Variants in RAB8A observed in about 807,000 individuals in gnomAD.
RAB8A encodes ras-related protein Rab-8A.
A neutral mutation model predicts 29.2 loss-of-function variants in RAB8A; 5 were observed. That is an observed-to-expected ratio of 0.17 (90% CI 0.09 to 0.36). RAB8A has a LOEUF of 0.36. Among genes scored for constraint, RAB8A ranks in the 10% least tolerant of loss-of-function variants. The pLI is 1.00. For synonymous variants in RAB8A, 108 were observed against 99.9 expected (o/e 1.08, Z -0.49); for missense variants, 171 against 272.2 (o/e 0.63, Z 2.62).
rs1056213645 is a variant in RAB8A at position 16,121,731 on chromosome 19, C to T, written c.186-19C>T. On this transcript the variant is annotated intron_variant, in intron 2 of 7. Coordinates refer to ENST00000300935, the MANE Select transcript of RAB8A (RefSeq NM_005370.5). ...TATTTTCCTTTAATGTTGCTAATAT[C>T]CCTTCTCTTCATGTTTAGGGACACA... The T allele has an allele frequency of 4.3e-6, 7 of 1,610,142 alleles. No individual in the cohort carries two copies. The highest frequency in any genetic ancestry group is 3.3e-5 in the Admixed American group (2 of 59,982).
At chr19:16,113,260 G>A (rs1248654030) in intron 1 of RAB8A, among the ~76,000 whole-genome samples, 1 of 152,154 alleles carries the variant, frequency 6.6e-6, no homozygotes, top group Non-Finnish European at 1.5e-5. Flanking sequence ...AAGTCCAGGA[G>A]TTTATTCCGA....
At chr19:16,114,748 G>A (rs944621745) in intron 1 of RAB8A, among the ~76,000 whole-genome samples, 4 of 151,844 alleles carry the variant, frequency 2.6e-5, no homozygotes, top group Admixed American at 2.6e-4. Context: ...TTGCAGATGA[G>A]GATGTGACTT....
In RAB8A at chr19:16,112,071, GGC is replaced by G. The variant is rs1012458425; in HGVS notation, c.124+51_124+52del. On this transcript the variant is annotated intron_variant, in intron 1 of 7. Transcript: ENST00000300935. Reference sequence around the variant, plus strand: ...CTGGGGGCGCCGGAGGCCCGGGCTGGGCGCGCCCCTGAGGGGCTGGGGCTGAG... The same window carrying G: ...CTGGGGGCGCCGGAGGCCCGGGCTGGGCGCCCCTGAGGGGCTGGGGCTGAG... The G allele has an allele frequency of 5.6e-6, 9 of 1,607,062 alleles. No homozygotes were observed. The Admixed American group carries it at 1.2e-4, about 21-fold the overall frequency.
intron 6 of RAB8A, 106 bp downstream of exon 6, chr19:16,128,197 C>T: frequency 8.0e-7 from 1 of 1,249,382 alleles, no homozygotes; most frequent in South Asian, 1.3e-5. Context: ...ACGGACCAGC[C>T]TCGGGCTCAG....
Position 16,121,654 on chromosome 19 carries a change from G to A in RAB8A, c.186-96G>A, listed in dbSNP as rs976288374. On this transcript the variant is annotated intron_variant, in intron 2 of 7. Transcript: ENST00000300935. ...GAAGGTATCACAGTGGCTGAACGGT[G>A]AGAAAGCCAGGCATCCCGGGTAGAT... 21 of 1,141,590 alleles carry A rather than the reference G, an allele frequency of 1.8e-5. No individual in the cohort carries two copies. The African/African-American group carries it at 2.9e-4, about 16-fold the overall frequency. 70.7% of individuals were successfully genotyped at this position (1,141,590 alleles called of 1,614,324 possible).
In RAB8A at chr19:16,127,961, T is replaced by C; in HGVS notation, c.415-65T>C. On this transcript the variant is annotated intron_variant, in intron 5 of 7. Transcript: ENST00000300935. The surrounding 1 kb of genome is among the most constrained non-coding windows in gnomAD (Gnocchi z 4.8). The stretch of plus-strand genomic sequence containing the variant: ...GCGCCGGCCCTGCCTTCAGCTCCTG[T>C]TTTAGGCAAGCTCAGATGCGCCCGG... 1.3e-6 allele frequency: 2 copies of C among 1,561,896 alleles called. No homozygotes were observed. Among genetic ancestry groups the C allele is most frequent in the Non-Finnish European group, 1.8e-6 (2 of 1,132,804 alleles).
chr19:16,116,710 C>T (rs558501713), intron 1 of RAB8A, among the ~76,000 whole-genome samples: 5 of 152,142 alleles, frequency 3.3e-5, no homozygotes, highest in Non-Finnish European at 5.9e-5. Flanking sequence ...TGGCGCGTGC[C>T]GGCAGTCCCA....
In RAB8A at chr19:16,125,859, A is replaced by G. The variant is rs192574331; in HGVS notation, c.324+312A>G. On this transcript the variant is annotated intron_variant, in intron 4 of 7. Transcript: ENST00000300935. The surrounding 1 kb of genome is among the most constrained non-coding windows in gnomAD (Gnocchi z 5.0). ...TCACCATGAGTGTTGGGTGCTTTCTAGAGAAGGAAGGGTCTAGCACAGGTG... is the reference window on the plus strand; with the variant it reads ...TCACCATGAGTGTTGGGTGCTTTCTGGAGAAGGAAGGGTCTAGCACAGGTG... The G allele has an allele frequency of 3.1e-5, 15 of 477,524 alleles. No homozygotes were observed. Among genetic ancestry groups the G allele is most frequent in the African/African-American group, 2.5e-4 (13 of 51,076 alleles). The allele number at this position is 477,524 out of a possible 1,614,324, so 29.6% of individuals were successfully genotyped here.
At position 16,125,231 on chromosome 19, in the gene RAB8A, C is replaced by T; in HGVS notation, c.247-239C>T. ...GCTGGCCTGTGAGGCAGAAGGGTCACCTCAGCGGCCCGGGGGGCAGGACAA... is the reference window on the plus strand; with the variant it reads ...GCTGGCCTGTGAGGCAGAAGGGTCATCTCAGCGGCCCGGGGGGCAGGACAA... On this transcript the variant is annotated intron_variant, in intron 3 of 7. Coordinates refer to ENST00000300935, the MANE Select transcript of RAB8A (RefSeq NM_005370.5). This position sits in a 1 kb window ranked among gnomAD's most constrained non-coding sequence, Gnocchi z 5.0. 1 of 578,918 alleles carries T rather than the reference C, an allele frequency of 1.7e-6. No homozygotes were observed. Among genetic ancestry groups the T allele is most frequent in the South Asian group, 2.0e-5 (1 of 49,870 alleles). 35.9% of individuals were successfully genotyped at this position (578,918 alleles called of 1,614,324 possible).
At chr19:16,121,457 T>C (rs1335786918) in intron 2 of RAB8A, among the ~76,000 whole-genome samples, 2 of 152,148 alleles carry the variant, frequency 1.3e-5, no homozygotes, top group Non-Finnish European at 2.9e-5. Flanking sequence ...TGACTGGCTC[T>C]TCTGTGAACC....
rs2090879761 is a variant in RAB8A at position 16,122,511 on chromosome 19, C to T, written c.246+701C>T. On this transcript the variant is annotated intron_variant, in intron 3 of 7. Transcript: ENST00000300935. The surrounding 1 kb of genome is among the most constrained non-coding windows in gnomAD (Gnocchi z 4.7). ...GGGAACGGAGCACAGCACTGTGTCT[C>T]GGGCTGTGCTGAGGATAAACGGCTG... 1.3e-5 allele frequency among the ~76,000 whole-genome samples: 2 copies of T among 152,152 alleles called. No homozygotes were observed. The highest frequency in any genetic ancestry group is 4.1e-4 in the South Asian group (2 of 4,828).
chr19:16,127,674 C>T lies in RAB8A; in HGVS notation c.414+148C>T. The stretch of plus-strand genomic sequence containing the variant: ...TGCCATGGGATGACAGAAGCACACA[C>T]CCAGCCGGGGCTTCTTGGGTGCACT... On this transcript the variant is annotated intron_variant, in intron 5 of 7. Coordinates refer to ENST00000300935, the MANE Select transcript of RAB8A (RefSeq NM_005370.5). This position sits in a 1 kb window ranked among gnomAD's most constrained non-coding sequence, Gnocchi z 4.8. 3 of 655,528 alleles carry T rather than the reference C, an allele frequency of 4.6e-6. No individual in the cohort carries two copies. Among genetic ancestry groups the T allele is most frequent in the Non-Finnish European group, 7.7e-6 (3 of 391,896 alleles). 40.6% of individuals were successfully genotyped at this position (655,528 alleles called of 1,614,324 possible). A position where few individuals can be genotyped will look rare whatever the true frequency, so the allele number is the denominator to read the frequency against.
chr19:16,120,852 C>T (rs2090871812), intron 2 of RAB8A, among the ~76,000 whole-genome samples: 1 of 151,968 alleles, frequency 6.6e-6, no homozygotes, highest in Non-Finnish European at 1.5e-5. Flanking sequence ...CTCAGGTGAT[C>T]CACCCGCCTC....
intron 3 of RAB8A, chr19:16,123,754 C>T (rs2090885065): frequency 6.6e-6 from 1 of 152,202 alleles, no homozygotes; most frequent in South Asian, 2.1e-4. Flanking sequence ...GTGTCCTCAT[C>T]TCTGTCAGCA....
chr19:16,121,294 C>T (rs952064294), intron 2 of RAB8A, among the ~76,000 whole-genome samples: 3 of 152,182 alleles, frequency 2.0e-5, no homozygotes, highest in Admixed American at 6.5e-5. Context: ...GTATGTCTTA[C>T]CCAGGCATCA....
At chr19:16,113,375 C>T (rs1380893949) in intron 1 of RAB8A, among the ~76,000 whole-genome samples, 1 of 151,834 alleles carries the variant, frequency 6.6e-6, no homozygotes, top group Non-Finnish European at 1.5e-5. Context: ...TTCTTGCCCT[C>T]CTCCAGGAGC....
intron 4 of RAB8A, chr19:16,126,651 G>T (rs1388427800): frequency 2.0e-5 from 3 of 152,254 alleles, no homozygotes; most frequent in African/African-American, 7.2e-5. Flanking sequence ...GCTGGTGACG[G>T]CCTCGAGTTG....
At chr19:16,131,400 T>C (rs2090923711) in intron 7 of RAB8A, among the ~76,000 whole-genome samples, 1 of 150,998 alleles carries the variant, frequency 6.6e-6, no homozygotes, top group African/African-American at 2.4e-5. Context: ...CGATGGTTGA[T>C]TTGTTGGAAG....
chr19:16,132,200 T>C lies in RAB8A; in HGVS notation c.532-12T>C. Reference sequence around the variant, plus strand: ...CTCAGTGATAACCTCAGAAAACCTCTTGTGATTTCAGGAAGGCAACAGCCC... The same window carrying C: ...CTCAGTGATAACCTCAGAAAACCTCCTGTGATTTCAGGAAGGCAACAGCCC... On this transcript the variant is annotated splice_polypyrimidine_tract_variant and intron_variant, in intron 7 of 7. Transcript: ENST00000300935. The surrounding 1 kb of genome is among the most constrained non-coding windows in gnomAD (Gnocchi z 5.6). The C allele has an allele frequency of 6.2e-7, 1 of 1,603,850 alleles. No homozygotes were observed. Among genetic ancestry groups the C allele is most frequent in the Non-Finnish European group, 8.5e-7 (1 of 1,170,722 alleles).
Sources: allele counts gnomAD v4.1 joint callset (sites outside exome capture counted in the v4.1 genomes callset), GRCh38; gene constraint gnomAD v4.1.1; non-coding constraint Gnocchi (gnomAD v3.1); transcripts MANE v1.5; gene names NCBI Gene and HGNC (gene_info 2026-07-23, HGNC 2026-07-21).